The following ADAMTS19 variants were observed in gnomAD, a reference collection of about 807,000 sequenced individuals.
ADAMTS19 encodes A disintegrin and metalloproteinase with thrombospondin motifs 19.
Under a neutral mutation model 153.3 loss-of-function variants are expected in ADAMTS19, and 93 were observed. That is an observed-to-expected ratio of 0.61 (90% CI 0.51 to 0.72). ADAMTS19 has a LOEUF of 0.72. Among genes scored for constraint, ADAMTS19 ranks in the 30% least tolerant of loss-of-function variants. The pLI, the probability that ADAMTS19 is intolerant of heterozygous loss-of-function variation, is 0.00. For missense variants in ADAMTS19, 1,482 were observed against 1,552.1 expected (o/e 0.95, Z 0.76); for synonymous variants, 600 against 556.6 (o/e 1.08, Z -1.10).
intron 21 of ADAMTS19, among the ~76,000 whole-genome samples, chr5:129,721,616 TC>T (rs1757008955): frequency 6.6e-6 from 1 of 152,140 alleles, no homozygotes; most frequent in African/African-American, 2.4e-5. Flanking sequence ...TACTTTAAGT[TC>T]CAGGATACGT....
chr5:129,725,434 G>C lies in ADAMTS19; in HGVS notation c.3313-9498G>C, dbSNP rs58880650. Among the ~76,000 whole-genome samples the C allele has an allele frequency of 3.9e-3, 592 of 152,060 alleles. 13 individuals are homozygous for C. Among genetic ancestry groups the C allele is most frequent in the Admixed American group, 0.027 (408 of 15,260 alleles). Reference sequence around the variant, plus strand: ...GAGTTGCATGCATGCTCACTTTAAGGTGCTCTTCTCTTACTAGTCTAATAT... The same window carrying C: ...GAGTTGCATGCATGCTCACTTTAAGCTGCTCTTCTCTTACTAGTCTAATAT... On this transcript the variant is annotated intron_variant, in intron 21 of 22. Coordinates refer to ENST00000274487, the MANE Select transcript of ADAMTS19 (RefSeq NM_133638.6).
intron 2 of ADAMTS19, among the ~76,000 whole-genome samples, chr5:129,481,281 A>C (rs1289698568): frequency 6.6e-6 from 1 of 152,150 alleles, no homozygotes; most frequent in Non-Finnish European, 1.5e-5. Flanking sequence ...GTGCAGGGAA[A>C]ACTGCCACTT....
intron 3 of ADAMTS19, among the ~76,000 whole-genome samples, chr5:129,522,332 C>CACACATAT (rs1309115957): frequency 6.5e-4 from 38 of 58,612 alleles, no homozygotes; most frequent in African/African-American, 2.8e-3. Flanking sequence ...CACACACACA[C>CACACATAT]ATATATATAT....
chr5:129,602,110 G>T (rs917070685), intron 8 of ADAMTS19, among the ~76,000 whole-genome samples: 1 of 151,982 alleles, frequency 6.6e-6, no homozygotes, highest in South Asian at 2.1e-4. Context: ...TATTTTTTTT[G>T]AGACGGAGTT....
At chr5:129,596,835 T>C (rs1750403708) in intron 8 of ADAMTS19, among the ~76,000 whole-genome samples, 171 bp downstream of exon 8, 1 of 152,162 alleles carries the variant, frequency 6.6e-6, no homozygotes, top group African/African-American at 2.4e-5. Context: ...CTTTTGAGTG[T>C]TGCAACTATT....
intron 7 of ADAMTS19, among the ~76,000 whole-genome samples, chr5:129,591,814 A>C (rs1271700955): frequency 6.6e-6 from 1 of 152,040 alleles, no homozygotes; most frequent in East Asian, 1.9e-4. Flanking sequence ...TAAAAACAGC[A>C]CTTCTGGAGC....
intron 6 of ADAMTS19, among the ~76,000 whole-genome samples, chr5:129,541,211 TG>T (rs1752643251): frequency 6.6e-6 from 1 of 151,816 alleles, no homozygotes; most frequent in Admixed American, 6.6e-5. Flanking sequence ...TTCATTTGTT[TG>T]CTAAGTGAAC....
At chr5:129,614,452 A>G (rs1751407191) in intron 8 of ADAMTS19, among the ~76,000 whole-genome samples, 1 of 152,192 alleles carries the variant, frequency 6.6e-6, no homozygotes, top group African/African-American at 2.4e-5. Flanking sequence ...TTATCTCAAT[A>G]GATGCAGAAA....
Position 129,526,270 on chromosome 5 carries a change from A to C in ADAMTS19, c.914-14A>C. ...ATATGAAGGTGCATTGAAAAATTCA[A>C]TTCTCTGTTGCAGATAAAGGAAGAC... On this transcript the variant is annotated splice_polypyrimidine_tract_variant and intron_variant, in intron 3 of 22. Transcript: ENST00000274487. 3 of 1,544,382 alleles carry C rather than the reference A, an allele frequency of 1.9e-6. No individual in the cohort carries two copies. The highest frequency in any genetic ancestry group is 1.7e-6 in the Non-Finnish European group (2 of 1,152,544).
At chr5:129,611,232 G>A (rs910162734) in intron 8 of ADAMTS19, among the ~76,000 whole-genome samples, 5 of 152,012 alleles carry the variant, frequency 3.3e-5, no homozygotes, top group African/African-American at 1.2e-4. Context: ...CTCCCATTCT[G>A]TAGGTTGCCT....
At chr5:129,623,127 T>C (rs961021219) in intron 10 of ADAMTS19, among the ~76,000 whole-genome samples, 6 of 152,114 alleles carry the variant, frequency 3.9e-5, no homozygotes, top group African/African-American at 1.4e-4. Context: ...GAACAAAAAT[T>C]AAGAGAGTAC....
chr5:129,601,261 T>C (rs1750636820), intron 8 of ADAMTS19, among the ~76,000 whole-genome samples: 1 of 152,212 alleles, frequency 6.6e-6, no homozygotes, highest in African/African-American at 2.4e-5. Context: ...TCAAATATAA[T>C]TGGGATCTTC....
intron 8 of ADAMTS19, among the ~76,000 whole-genome samples, chr5:129,612,950 A>G (rs1456408446): frequency 6.6e-6 from 1 of 152,216 alleles, no homozygotes; most frequent in Non-Finnish European, 1.5e-5. Context: ...AAGGCATTAC[A>G]TAATGGTAAA....
chr5:129,524,401 G>A (rs557964360), intron 3 of ADAMTS19, among the ~76,000 whole-genome samples: 313 of 152,194 alleles, frequency 2.1e-3, no homozygotes, highest in African/African-American at 6.7e-3. Context: ...CATGGGCAAA[G>A]ACTTCATGAC....
At chr5:129,651,555 C>T (rs1382065377) in intron 13 of ADAMTS19, among the ~76,000 whole-genome samples, 1 of 152,052 alleles carries the variant, frequency 6.6e-6, no homozygotes, top group Non-Finnish European at 1.5e-5. Context: ...GCCTTTATAC[C>T]AGCTGGGTTT....
At chr5:129,691,805 C>T (rs1755350878) in intron 18 of ADAMTS19, among the ~76,000 whole-genome samples, 1 of 152,070 alleles carries the variant, frequency 6.6e-6, no homozygotes, top group African/African-American at 2.4e-5. Context: ...TACCTATATC[C>T]CTTTTGATAT....
intron 6 of ADAMTS19, among the ~76,000 whole-genome samples, chr5:129,532,933 T>A (rs1039751210): frequency 6.6e-6 from 1 of 152,112 alleles, no homozygotes; most frequent in Non-Finnish European, 1.5e-5. Flanking sequence ...TAAAACCCTG[T>A]CTCTACCAAA....
At chr5:129,616,237 C>T (rs1030025608) in intron 8 of ADAMTS19, among the ~76,000 whole-genome samples, 5 of 151,814 alleles carry the variant, frequency 3.3e-5, no homozygotes, top group African/African-American at 1.2e-4. Flanking sequence ...CTTAGATATA[C>T]CACTGAATTC....
At chr5:129,555,846 G>A (rs1335580949) in intron 7 of ADAMTS19, among the ~76,000 whole-genome samples, 2 of 152,134 alleles carry the variant, frequency 1.3e-5, no homozygotes, top group East Asian at 3.8e-4. Flanking sequence ...TGAGAACACT[G>A]TCTTCAGATG....
Sources: allele counts gnomAD v4.1 joint callset (sites outside exome capture counted in the v4.1 genomes callset), GRCh38; gene constraint gnomAD v4.1.1; transcripts MANE v1.5; gene names NCBI Gene and HGNC (gene_info 2026-07-23, HGNC 2026-07-21).